Variants in MAP4 observed in about 807,000 individuals in gnomAD.
MAP4 encodes microtubule-associated protein 4.
Under a neutral mutation model 170.2 loss-of-function variants are expected in MAP4, and 76 were observed. The ratio of observed to expected loss-of-function variants is 0.45; its 90% confidence interval spans 0.37 to 0.54. The LOEUF (loss-of-function observed/expected upper bound fraction) is 0.54, where lower values mean the gene tolerates loss of function less well. MAP4 is among the 20% of genes least tolerant of loss of function. The pLI, the probability that MAP4 is intolerant of heterozygous loss-of-function variation, is 0.00. For missense variants in MAP4, 2,506 were observed against 2,748.0 expected, an observed-to-expected ratio of 0.91 and a Z score of 1.97; for synonymous variants, 909 against 994.5, an observed-to-expected ratio of 0.91 and a Z score of 1.62.
At chr3:47,965,930 T>C (rs1387219717) in intron 3 of MAP4, among the ~76,000 whole-genome samples, 2 of 152,184 alleles carry the variant, frequency 1.3e-5, no homozygotes, top group Non-Finnish European at 2.9e-5. Flanking sequence ...TTTTGGTGTA[T>C]ATCCAAGAAA....
intron 20 of MAP4, 61 bp from the exon 21 acceptor site, chr3:47,852,999 GGGGAGAC>G (rs1386341412): frequency 6.2e-7 from 1 of 1,614,248 alleles, no homozygotes; most frequent in South Asian, 1.1e-5. Context: ...GGGGAACACG[GGGGAGAC>G]GGAAGACGAG....
At chr3:47,942,087 A>G (rs2100056863) in intron 3 of MAP4, among the ~76,000 whole-genome samples, 1 of 152,142 alleles carries the variant, frequency 6.6e-6, no homozygotes, top group African/African-American at 2.4e-5. Context: ...CTAGCCTCCT[A>G]CAGCCCCGTT....
At position 47,887,212 on chromosome 3, in the gene MAP4, G is replaced by T. The variant is rs560178908; in HGVS notation, c.5435-9689C>A. Among the ~76,000 whole-genome samples the T allele has an allele frequency of 5.3e-5, 8 of 152,350 alleles. No individual in the cohort carries two copies. In the South Asian group the frequency reaches 1.7e-3, roughly 32 times the overall value. On this transcript the variant is annotated intron_variant, in intron 10 of 20. Coordinates refer to ENST00000683076, the MANE Select transcript of MAP4 (RefSeq NM_001385682.1). The stretch of plus-strand genomic sequence containing the variant: ...CTTGCAGGGAGGTGTGGAAGGAGAG[G>T]CGCGAGCAGGAACCGGGGCTGCGCG...
upstream of MAP4, among the ~76,000 whole-genome samples, chr3:48,018,678 C>A (rs1406139096): frequency 1.3e-5 from 2 of 152,096 alleles, no homozygotes; most frequent in African/African-American, 2.4e-5. Flanking sequence ...TGGTGTGCAC[C>A]TGTAGTCCCA....
chr3:47,875,058 T>G (rs1310232924), intron 12 of MAP4, among the ~76,000 whole-genome samples: 1 of 152,184 alleles, frequency 6.6e-6, no homozygotes, highest in Non-Finnish European at 1.5e-5. Context: ...AAACCGTGGG[T>G]GACCTGGAAA....
intron 4 of MAP4, among the ~76,000 whole-genome samples, chr3:47,927,444 C>A (rs1269085264): frequency 6.6e-6 from 1 of 152,080 alleles, no homozygotes; most frequent in Non-Finnish European, 1.5e-5. Context: ...TAGCTCTGGG[C>A]TACTACAGAT....
intron 3 of MAP4, among the ~76,000 whole-genome samples, chr3:47,968,551 ACAC>A (rs2100076511): frequency 6.6e-6 from 1 of 152,216 alleles, no homozygotes; most frequent in African/African-American, 2.4e-5. Flanking sequence ...GAAAATGAAA[ACAC>A]AACATATCAA....
At chr3:47,934,579 G>A (rs1003193630) in intron 3 of MAP4, among the ~76,000 whole-genome samples, 1 of 152,206 alleles carries the variant, frequency 6.6e-6, no homozygotes, top group Non-Finnish European at 1.5e-5. Flanking sequence ...TGGGATTACA[G>A]GCCACCGTGC....
intron 1 of MAP4, among the ~76,000 whole-genome samples, chr3:48,049,886 C>G (rs755810900): frequency 6.8e-6 from 1 of 146,910 alleles, no homozygotes; most frequent in East Asian, 2.0e-4. Flanking sequence ...TGCAGTGAGC[C>G]GAGATCGCAC....
At chr3:47,863,485 C>G (rs1442668532) in intron 17 of MAP4, among the ~76,000 whole-genome samples, 1 of 151,980 alleles carries the variant, frequency 6.6e-6, no homozygotes, top group African/African-American at 2.4e-5. Context: ...GCCCAAGTGT[C>G]CCCTCCTCGG....
At chr3:47,998,961 A>T in intron 1 of MAP4, 82 bp from the exon 2 acceptor site, 1 of 795,700 alleles carries the variant, frequency 1.3e-6, no homozygotes, top group Non-Finnish European at 2.1e-6. Flanking sequence ...CAATTGTTTG[A>T]AACAAACAAA....
At chr3:47,856,836 A>G (rs2057371099) in intron 18 of MAP4, among the ~76,000 whole-genome samples, 1 of 152,188 alleles carries the variant, frequency 6.6e-6, no homozygotes. Context: ...CTACTCACAA[A>G]TCTGCTGTAG....
At chr3:48,012,785 A>C (rs969522389) in intron 1 of MAP4, among the ~76,000 whole-genome samples, 1 of 152,164 alleles carries the variant, frequency 6.6e-6, no homozygotes, top group Non-Finnish European at 1.5e-5. Context: ...GGAAAGTGGG[A>C]AGGTCATGAA....
intron 1 of MAP4, among the ~76,000 whole-genome samples, chr3:48,088,233 CCA>C (rs1012430174): frequency 2.0e-5 from 3 of 151,596 alleles, no homozygotes; most frequent in Non-Finnish European, 4.4e-5. Context: ...GCTTTAGTCC[CCA>C]CACAGTGTCG....
intron 1 of MAP4, among the ~76,000 whole-genome samples, chr3:48,015,181 C>T (rs958183450): frequency 6.6e-6 from 1 of 150,892 alleles, no homozygotes. Context: ...TTCCAAACAA[C>T]CCATTTAATA....
At chr3:47,920,557 T>G (rs1244110580) in intron 5 of MAP4, among the ~76,000 whole-genome samples, 4 of 150,994 alleles carry the variant, frequency 2.6e-5, no homozygotes, top group African/African-American at 7.3e-5. Context: ...TTTTTTTTTT[T>G]TTTTTTTTTT....
chr3:47,871,856 GCAAAGC>G, intron 13 of MAP4, 55 bp downstream of exon 13: 5 of 1,504,634 alleles, frequency 3.3e-6, no homozygotes, highest in Non-Finnish European at 4.5e-6. Context: ...TATGGCTGGG[GCAAAGC>G]CAAGATCCCA....
intron 1 of MAP4, among the ~76,000 whole-genome samples, chr3:48,072,869 G>C (rs972179997): frequency 6.6e-6 from 1 of 152,212 alleles, no homozygotes; most frequent in East Asian, 1.9e-4. Flanking sequence ...TTTGCCAGTA[G>C]AGAAAGAGAA....
chr3:48,026,718 T>C (rs2100113299), intron 1 of MAP4, among the ~76,000 whole-genome samples: 1 of 152,222 alleles, frequency 6.6e-6, no homozygotes, highest in Non-Finnish European at 1.5e-5. Flanking sequence ...GTAATTAAGT[T>C]ATGCCATTAT....
Sources: gnomAD v4.1 joint callset for allele counts (sites outside exome capture counted in the v4.1 genomes callset) on GRCh38, gnomAD v4.1.1 for gene constraint, MANE v1.5 for transcripts, NCBI Gene and HGNC (gene_info 2026-07-23, HGNC 2026-07-21) for gene names.